Variants in COL23A1 observed in about 807,000 individuals in gnomAD.
COL23A1 encodes the protein collagen type XXIII alpha 1 chain, also known as collagen alpha-1(XXIII) chain.
A neutral mutation model predicts 99.3 loss-of-function variants in COL23A1; 97 were observed. The ratio of observed to expected loss-of-function variants is 0.98; its 90% CI spans 0.83 to 1.16. COL23A1 has a LOEUF of 1.16. Among genes scored for constraint, COL23A1 ranks in the 50% most tolerant of loss-of-function variants. The pLI, the probability that COL23A1 is intolerant of heterozygous loss-of-function variation, is 0.00. For missense variants in COL23A1, 762 were observed against 757.4 expected (o/e 1.01, Z -0.07); for synonymous variants, 320 against 308.2 (o/e 1.04, Z -0.40).
intron 2 of COL23A1, among the ~76,000 whole-genome samples, chr5:178,462,087 G>A (rs1756155589): frequency 6.6e-6 from 1 of 152,244 alleles, no homozygotes. Context: ...AGCTTATTAA[G>A]CATTTTGGAA....
At chr5:178,267,755 C>T (rs1755987414) in intron 7 of COL23A1, among the ~76,000 whole-genome samples, 1 of 152,202 alleles carries the variant, frequency 6.6e-6, no homozygotes. Context: ...GTTTCAAAGC[C>T]CCTGATGGAA....
intron 2 of COL23A1, among the ~76,000 whole-genome samples, chr5:178,338,309 G>A (rs1397022164): frequency 6.6e-6 from 1 of 150,654 alleles, no homozygotes; most frequent in African/African-American, 2.4e-5. Flanking sequence ...AAGTCCAGAG[G>A]GCACAGTCCA....
chr5:178,560,455 G>A (rs1444510491), intron 2 of COL23A1, among the ~76,000 whole-genome samples: 5 of 152,040 alleles, frequency 3.3e-5, no homozygotes, highest in Admixed American at 1.3e-4. Context: ...CTCCGACAAT[G>A]TCTTAGCTCC....
intron 2 of COL23A1, among the ~76,000 whole-genome samples, chr5:178,515,261 C>T (rs1759439587): frequency 6.6e-6 from 1 of 152,238 alleles, no homozygotes. Flanking sequence ...CTGCAGCAGC[C>T]TCCAGCCTCC....
intron 5 of COL23A1, among the ~76,000 whole-genome samples, chr5:178,272,807 C>T (rs1204506345): frequency 2.0e-5 from 3 of 152,134 alleles, no homozygotes; most frequent in African/African-American, 4.8e-5. Context: ...TAGGCATCCC[C>T]ACCTTGGACC....
At chr5:178,361,002 G>A (rs769884571) in intron 2 of COL23A1, among the ~76,000 whole-genome samples, 27 of 152,296 alleles carry the variant, frequency 1.8e-4, no homozygotes, top group East Asian at 5.8e-4. Flanking sequence ...GACTGAACAC[G>A]TCTCAGGGAC....
At chr5:178,584,378 T>A (rs1053801497) in intron 1 of COL23A1, among the ~76,000 whole-genome samples, 1 of 151,974 alleles carries the variant, frequency 6.6e-6, no homozygotes, top group Non-Finnish European at 1.5e-5. Flanking sequence ...TTTTCTTTTT[T>A]TTAAATAGAG....
chr5:178,379,175 T>C (rs1763238354), intron 2 of COL23A1, among the ~76,000 whole-genome samples: 1 of 152,008 alleles, frequency 6.6e-6, no homozygotes, highest in African/African-American at 2.4e-5. Flanking sequence ...AATTATTGTG[T>C]ATCTATGAGA....
chr5:178,333,960 C>T (rs1043245484), intron 2 of COL23A1, among the ~76,000 whole-genome samples: 17 of 152,126 alleles, frequency 1.1e-4, no homozygotes, highest in Non-Finnish European at 2.9e-5. Flanking sequence ...CCTGGTCAGT[C>T]CCCCTTCCAG....
At chr5:178,251,892 CTCTT>C (rs1765047042) in intron 17 of COL23A1, among the ~76,000 whole-genome samples, 1 of 149,346 alleles carries the variant, frequency 6.7e-6, no homozygotes, top group African/African-American at 2.5e-5. Flanking sequence ...TTCTTTCTCT[CTCTT>C]TCATTTTCTT....
At chr5:178,354,276 A>G (rs1761498866) in intron 2 of COL23A1, among the ~76,000 whole-genome samples, 3 of 152,162 alleles carry the variant, frequency 2.0e-5, no homozygotes, top group Non-Finnish European at 2.9e-5. Flanking sequence ...AATCGTGATC[A>G]TAGCTCACAG....
chr5:178,288,680 G>A, intron 4 of COL23A1: 1 of 415,336 alleles, frequency 2.4e-6, no homozygotes, highest in Non-Finnish European at 4.6e-6. Flanking sequence ...ACAACCACAC[G>A]ACCAACCAGG....
rs138727653 is a variant in COL23A1, at chr5:178,549,732, T to C, written c.361+10950A>G. On this transcript the variant is annotated intron_variant, in intron 2 of 28. Transcript: ENST00000390654. ...TGAGAAGCTGAGGCAGGAGAATCGC[T>C]TGAATCCGGGAGGCAGAGGTTGCAG... Among the ~76,000 whole-genome samples the C allele has an allele frequency of 1.3e-3, 205 of 152,268 alleles. 1 individual carries two copies. Among genetic ancestry groups the C allele is most frequent in the African/African-American group, 4.7e-3 (194 of 41,530 alleles).
intron 2 of COL23A1, among the ~76,000 whole-genome samples, chr5:178,498,220 A>T (rs1405037176): frequency 2.3e-5 from 1 of 43,928 alleles, no homozygotes; most frequent in Non-Finnish European, 3.6e-5. Flanking sequence ...ATATATATAT[A>T]TATATATATA....
chr5:178,438,328 GA>G (rs1396479153), intron 2 of COL23A1, among the ~76,000 whole-genome samples: 4 of 151,996 alleles, frequency 2.6e-5, no homozygotes, highest in Non-Finnish European at 4.4e-5. Context: ...CCTGGAGGGG[GA>G]AAAAAAGGTA....
At chr5:178,357,796 ATG>A (rs72411503) in intron 2 of COL23A1, among the ~76,000 whole-genome samples, 19,528 of 127,924 alleles carry the variant, frequency 0.15, 1,304 homozygotes, top group Non-Finnish European at 0.16. Flanking sequence ...GTGTGTGTGT[ATG>A]TGTGTGTGTA....
chr5:178,378,909 T>C (rs7721507), intron 2 of COL23A1, among the ~76,000 whole-genome samples: 18,295 of 152,148 alleles, frequency 0.12, 2,338 homozygotes, highest in African/African-American at 0.33. Context: ...TTCTCTTATT[T>C]GGAATCCCAA....
At position 178,350,009 on chromosome 5, in the gene COL23A1, C is replaced by A. The variant is rs529772622; in HGVS notation, c.362-43090G>T. On this transcript the variant is annotated intron_variant, in intron 2 of 28. Transcript: ENST00000390654. ...TCTCGGGTCCTATCAAGTCTCCTGGCCTTCAAGGTCCTCAGGCCCTCTGTG... is the reference window on the plus strand; with the variant it reads ...TCTCGGGTCCTATCAAGTCTCCTGGACTTCAAGGTCCTCAGGCCCTCTGTG... Among the ~76,000 whole-genome samples, 97 of 152,324 alleles carry A rather than the reference C, an allele frequency of 6.4e-4. 2 individuals carry two copies. In the South Asian group the frequency reaches 0.018, roughly 29 times the overall value.
At chr5:178,480,381 G>T (rs547891866) in intron 2 of COL23A1, among the ~76,000 whole-genome samples, 1 of 152,060 alleles carries the variant, frequency 6.6e-6, no homozygotes, top group Non-Finnish European at 1.5e-5. Context: ...GTTTCCCTCC[G>T]CAGGAGCCAG....
Sources: gnomAD v4.1 joint callset for allele counts (sites outside exome capture counted in the v4.1 genomes callset) on GRCh38, gnomAD v4.1.1 for gene constraint, MANE v1.5 for transcripts, NCBI Gene and HGNC (gene_info 2026-07-23, HGNC 2026-07-21) for gene names.